The following NXPE2 variants were observed in gnomAD, a reference collection of about 807,000 sequenced individuals.
NXPE2 encodes the protein NXPE family member 2.
Under a neutral mutation model 34.4 loss-of-function variants are expected in NXPE2, and 34 were observed. The ratio of observed to expected loss-of-function variants is 0.99; its 90% confidence interval spans 0.75 to 1.31. The LOEUF (loss-of-function observed/expected upper bound fraction) is 1.31, where lower values mean the gene tolerates loss of function less well. Ranked by LOEUF, NXPE2 falls within the 40% of genes most tolerant of loss-of-function variation. The pLI is 0.00. For synonymous variants in NXPE2, 235 were observed against 231.3 expected, an observed-to-expected ratio of 1.02 and a Z score of -0.15; for missense variants, 649 against 672.5, an observed-to-expected ratio of 0.97 and a Z score of 0.39.
the NXPE2 span, among the ~76,000 whole-genome samples, chr11:114,641,122 C>T: frequency 3.3e-5 from 5 of 151,792 alleles, no homozygotes; most frequent in East Asian, 3.9e-4. Context: ...GTCTGGTGCA[C>T]GAGTAGAATG....
the NXPE2 span, among the ~76,000 whole-genome samples, chr11:114,475,848 G>A: frequency 0.13 from 20,461 of 152,098 alleles, 1,572 homozygotes; most frequent in South Asian, 0.19. Context: ...ATTTATTACC[G>A]GGAGAGAAGG....
At chr11:114,564,683 C>G in the NXPE2 span, among the ~76,000 whole-genome samples, 1 of 152,030 alleles carries the variant, frequency 6.6e-6, no homozygotes, top group Non-Finnish European at 1.5e-5. Context: ...TGACTGAAAT[C>G]TCATTGGTTG....
the NXPE2 span, among the ~76,000 whole-genome samples, chr11:114,624,100 T>C: frequency 6.6e-6 from 1 of 151,412 alleles, no homozygotes. Flanking sequence ...GGATAATAGG[T>C]TTTATGTCGT....
At chr11:114,738,054 T>A in the NXPE2 span, among the ~76,000 whole-genome samples, 8 of 152,172 alleles carry the variant, frequency 5.3e-5, no homozygotes, top group African/African-American at 1.9e-4. Context: ...GCCACTGCAC[T>A]TCAGCTTGGG....
the NXPE2 span, among the ~76,000 whole-genome samples, chr11:114,603,725 A>G: frequency 1.3e-5 from 2 of 151,064 alleles, no homozygotes; most frequent in African/African-American, 4.9e-5. Context: ...CTCCTAGTTA[A>G]CTCCTATTAC....
downstream of NXPE2, chr11:114,707,356 A>G (rs1324380111): frequency 5.4e-6 from 2 of 368,792 alleles, no homozygotes; most frequent in Non-Finnish European, 1.1e-5. Context: ...TCGGCCTCCC[A>G]AAGTGCTGGG....
chr11:114,733,388 C>T, the NXPE2 span, among the ~76,000 whole-genome samples: 32 of 152,264 alleles, frequency 2.1e-4, no homozygotes, highest in East Asian at 6.2e-3. Flanking sequence ...CCACCGTGCC[C>T]GGCCTAATAT....
the NXPE2 span, among the ~76,000 whole-genome samples, chr11:114,717,012 G>T: frequency 6.6e-6 from 1 of 152,126 alleles, no homozygotes; most frequent in South Asian, 2.1e-4. Flanking sequence ...TCTTTTTAAA[G>T]ATTTGTAAAA....
At chr11:114,574,316 T>G in the NXPE2 span, among the ~76,000 whole-genome samples, 1 of 151,186 alleles carries the variant, frequency 6.6e-6, no homozygotes, top group Non-Finnish European at 1.5e-5. Flanking sequence ...GAAACAAGAA[T>G]AATCCAAACC....
At chr11:114,690,183 A>T (rs1951125083) in intron 2 of NXPE2, among the ~76,000 whole-genome samples, 1 of 151,962 alleles carries the variant, frequency 6.6e-6, no homozygotes, top group Non-Finnish European at 1.5e-5. Flanking sequence ...ACTTTATGGG[A>T]TCTGTGGGTT....
intron 3 of NXPE2, among the ~76,000 whole-genome samples, chr11:114,700,492 T>C (rs1951345366): frequency 1.3e-5 from 2 of 151,594 alleles, no homozygotes; most frequent in African/African-American, 4.9e-5. Context: ...GGAACCATGG[T>C]GGAGGTGGAG....
the NXPE2 span, among the ~76,000 whole-genome samples, chr11:114,537,134 A>C: frequency 6.6e-6 from 1 of 152,236 alleles, no homozygotes; most frequent in Non-Finnish European, 1.5e-5. Flanking sequence ...ACATATGCAA[A>C]TCAATAAATG....
the NXPE2 span, among the ~76,000 whole-genome samples, chr11:114,717,958 AT>A: frequency 6.6e-6 from 1 of 152,192 alleles, no homozygotes; most frequent in African/African-American, 2.4e-5. Context: ...TGTCCTGAGC[AT>A]GTCTATCACG....
the NXPE2 span, among the ~76,000 whole-genome samples, chr11:114,599,783 C>G: frequency 6.6e-6 from 1 of 152,044 alleles, no homozygotes; most frequent in African/African-American, 2.4e-5. Context: ...GGGGATGGTG[C>G]TAAACCATTT....
chr11:114,766,845 C>T, the NXPE2 span, among the ~76,000 whole-genome samples: 2 of 152,098 alleles, frequency 1.3e-5, no homozygotes, highest in East Asian at 3.9e-4. Flanking sequence ...TACATGGAAA[C>T]TACTACAGTG....
chr11:114,762,568 C>G, the NXPE2 span, among the ~76,000 whole-genome samples: 3 of 152,142 alleles, frequency 2.0e-5, no homozygotes, highest in Non-Finnish European at 4.4e-5. Context: ...TGAACAGACG[C>G]TGAAGGAAAG....
chr11:114,764,043 C>T, the NXPE2 span, among the ~76,000 whole-genome samples: 1 of 152,148 alleles, frequency 6.6e-6, no homozygotes, highest in African/African-American at 2.4e-5. Context: ...CCCTGCTCTC[C>T]AAGCAAGTAG....
At chr11:114,507,247 CAAA>C in the NXPE2 span, among the ~76,000 whole-genome samples, 3 of 91,392 alleles carry the variant, frequency 3.3e-5, no homozygotes, top group African/African-American at 3.8e-5. Flanking sequence ...GCCAACCAAC[CAAA>C]AAAAAAAAAA....
chr11:114,478,100 A>C, the NXPE2 span, among the ~76,000 whole-genome samples: 2 of 151,732 alleles, frequency 1.3e-5, no homozygotes, highest in Non-Finnish European at 2.9e-5. Context: ...AAGAGGTTGT[A>C]GTAACACCAT....
Sources: gnomAD v4.1 joint callset for allele counts (sites outside exome capture counted in the v4.1 genomes callset) on GRCh38, gnomAD v4.1.1 for gene constraint, MANE v1.5 for transcripts, NCBI Gene and HGNC (gene_info 2026-07-23, HGNC 2026-07-21) for gene names.